The following KIF5C variants were observed in gnomAD, a reference collection of about 807,000 sequenced individuals.
KIF5C encodes kinesin family member 5C.
Under a neutral mutation model 125.2 loss-of-function variants are expected in KIF5C, and 18 were observed. The observed-to-expected ratio is 0.14, with a 90% CI of 0.10 to 0.21. The LOEUF (loss-of-function observed/expected upper bound fraction) is 0.21. KIF5C is among the 10% of genes least tolerant of loss of function. KIF5C has a pLI of 1.00. For synonymous variants in KIF5C, 405 were observed against 434.0 expected, an observed-to-expected ratio of 0.93 and a Z score of 0.83; for missense variants, 780 against 1,183.8, an observed-to-expected ratio of 0.66 and a Z score of 5.01.
chr2:148,965,046 A>G (rs182982803), intron 11 of KIF5C, among the ~76,000 whole-genome samples: 130 of 151,986 alleles, frequency 8.6e-4, no homozygotes, highest in Non-Finnish European at 1.7e-3. Context: ...GCTATGGGAG[A>G]GGGAGGTTTC....
In KIF5C at chr2:148,876,585, C is replaced by G. The variant is rs913050162; in HGVS notation, c.126+842C>G. ...CTTCGTGCGGCTCGGACCCCCCTCC[C>G]TCTCTATCTCCCTTCCCCACCTTTT... On this transcript the variant is annotated intron_variant, in intron 1 of 25. Transcript: ENST00000435030. This position sits in a 1 kb window ranked among gnomAD's most constrained non-coding sequence, Gnocchi z 4.7. 2.0e-5 allele frequency among the ~76,000 whole-genome samples: 3 copies of G among 152,142 alleles called. No individual in the cohort carries two copies. Among genetic ancestry groups the G allele is most frequent in the African/African-American group, 7.2e-5 (3 of 41,440 alleles).
chr2:148,954,149 G>A (rs1682737077), intron 10 of KIF5C, among the ~76,000 whole-genome samples: 1 of 149,762 alleles, frequency 6.7e-6, no homozygotes, highest in African/African-American at 2.5e-5. Flanking sequence ...TTAGTTTACT[G>A]AGAATGATGG....
At chr2:148,953,205 T>C (rs1016354121) in intron 10 of KIF5C, among the ~76,000 whole-genome samples, 5 of 152,210 alleles carry the variant, frequency 3.3e-5, no homozygotes, top group Admixed American at 6.5e-5. Context: ...CAGTAGGTGG[T>C]CAATAAATAA....
intron 16 of KIF5C, among the ~76,000 whole-genome samples, chr2:148,992,779 T>A (rs1425964491): frequency 6.6e-6 from 1 of 152,274 alleles, no homozygotes; most frequent in African/African-American, 2.4e-5. Flanking sequence ...TTTATTTTTT[T>A]ATGATTATAT....
intron 1 of KIF5C, among the ~76,000 whole-genome samples, chr2:148,898,138 C>T (rs1413383766): frequency 6.6e-6 from 1 of 151,970 alleles, no homozygotes; most frequent in Non-Finnish European, 1.5e-5. Flanking sequence ...CTAGCCCTCC[C>T]TTCCTGCCAA....
intron 2 of KIF5C, among the ~76,000 whole-genome samples, chr2:148,922,596 C>T (rs1397859148): frequency 1.3e-5 from 2 of 152,166 alleles, no homozygotes; most frequent in Admixed American, 6.5e-5. Context: ...CCTGATGCTC[C>T]AGTTGTACAT....
At chr2:148,885,319 A>G (rs1482369744) in intron 1 of KIF5C, among the ~76,000 whole-genome samples, 1 of 152,192 alleles carries the variant, frequency 6.6e-6, no homozygotes, top group Non-Finnish European at 1.5e-5. Flanking sequence ...GTAATCCACC[A>G]GTGCCAGTGT....
intron 2 of KIF5C, among the ~76,000 whole-genome samples, chr2:148,925,927 C>A (rs1173801985): frequency 6.6e-6 from 1 of 152,178 alleles, no homozygotes; most frequent in Non-Finnish European, 1.5e-5. Flanking sequence ...AGCCGGCATG[C>A]GGGCTGGCCT....
intron 1 of KIF5C, among the ~76,000 whole-genome samples, chr2:148,912,851 G>A (rs750665281): frequency 6.6e-6 from 1 of 152,208 alleles, no homozygotes; most frequent in Non-Finnish European, 1.5e-5. Context: ...CAACTGAGAT[G>A]ATGTACCCTG....
intron 25 of KIF5C, among the ~76,000 whole-genome samples, chr2:149,016,840 G>A (rs1344782729): frequency 2.0e-5 from 3 of 152,250 alleles, no homozygotes; most frequent in Middle Eastern, 3.4e-3. Flanking sequence ...GGTGGGCACA[G>A]CAGAGAGGGG....
At chr2:148,979,904 G>T (rs1214572721) in intron 13 of KIF5C, among the ~76,000 whole-genome samples, 1 of 152,206 alleles carries the variant, frequency 6.6e-6, no homozygotes, top group Non-Finnish European at 1.5e-5. Flanking sequence ...CCTAAGCAAA[G>T]GATAGCCAGC....
intron 1 of KIF5C, among the ~76,000 whole-genome samples, chr2:148,913,189 T>G (rs922342212): frequency 2.0e-5 from 3 of 152,356 alleles, no homozygotes; most frequent in African/African-American, 7.2e-5. Flanking sequence ...TGTGTGGAAT[T>G]CTTAGAAAAT....
rs1220812331 is a variant in KIF5C, at chr2:148,973,443, A to C, written c.1225A>C (p.Ile409Leu). 1.2e-6 allele frequency: 2 copies of C among 1,613,712 alleles called. No homozygotes were observed. The highest frequency in any genetic ancestry group is 2.2e-5 in the South Asian group (2 of 91,022). ...IDNIAPVVAG[I>L]STEEKEKYDE... ...CAATATTGCTCCTGTTGTTGCTGGC[A>C]TCTCTACAGAGGAGAAAGAGAAGTA... The change falls in exon 12 of 26, where the codon ATC (isoleucine) becomes CTC (leucine). Residue 409 changes from isoleucine (I) to leucine (L), a missense_variant. Transcript: ENST00000435030.
intron 1 of KIF5C, among the ~76,000 whole-genome samples, chr2:148,912,526 C>G (rs1287338544): frequency 6.6e-6 from 1 of 152,210 alleles, no homozygotes; most frequent in East Asian, 1.9e-4. Context: ...TTCACTGAAG[C>G]CTCAAATTAT....
intron 11 of KIF5C, among the ~76,000 whole-genome samples, chr2:148,963,663 C>T (rs1682981540): frequency 6.6e-6 from 1 of 152,024 alleles, no homozygotes; most frequent in Admixed American, 6.6e-5. Flanking sequence ...TGGGGAGTAG[C>T]CATATGAAGT....
At chr2:148,945,981 C>A (rs1351140160) in intron 7 of KIF5C, among the ~76,000 whole-genome samples, 1 of 152,098 alleles carries the variant, frequency 6.6e-6, no homozygotes, top group Non-Finnish European at 1.5e-5. Context: ...TCATATCTTT[C>A]AGTCATGTTT....
rs1023542332 is a variant in KIF5C, at chr2:148,876,737, C to A, written c.126+994C>A. Among the ~76,000 whole-genome samples the A allele has an allele frequency of 2.6e-5, 4 of 152,202 alleles. No individual in the cohort carries two copies. The highest frequency in any genetic ancestry group is 9.6e-5 in the African/African-American group (4 of 41,452). On this transcript the variant is annotated intron_variant, in intron 1 of 25. Coordinates refer to ENST00000435030, the MANE Select transcript of KIF5C (RefSeq NM_004522.3). The surrounding 1 kb of genome is among the most constrained non-coding windows in gnomAD (Gnocchi z 4.7). ...GATGAAACAAACCAGCTCGGTCCCC[C>A]GCCCCTTCCCCGCCCGCTGTCCGTA...
At chr2:148,974,129 A>G (rs1307555675) in intron 12 of KIF5C, among the ~76,000 whole-genome samples, 1 of 152,228 alleles carries the variant, frequency 6.6e-6, no homozygotes, top group Non-Finnish European at 1.5e-5. Flanking sequence ...GGCATAGAGG[A>G]AAAGAGGCCT....
At chr2:148,918,606 A>G (rs1265043062) in intron 1 of KIF5C, among the ~76,000 whole-genome samples, 4 of 152,204 alleles carry the variant, frequency 2.6e-5, no homozygotes, top group African/African-American at 4.8e-5. Context: ...AGATAATTCT[A>G]AGGGAAAGGA....
Sources: allele counts gnomAD v4.1 joint callset (sites outside exome capture counted in the v4.1 genomes callset), GRCh38; gene constraint gnomAD v4.1.1; non-coding constraint Gnocchi (gnomAD v3.1); transcripts MANE v1.5; gene names NCBI Gene and HGNC (gene_info 2026-07-23, HGNC 2026-07-21).